TERB2: variants seen among roughly 807,000 people sequenced by gnomAD.
TERB2 encodes telomere repeats-binding bouquet formation protein 2.
A neutral mutation model predicts 29.8 loss-of-function variants in TERB2; 26 were observed. The observed-to-expected ratio is 0.87, with a 90% CI of 0.64 to 1.21. The LOEUF (loss-of-function observed/expected upper bound fraction) is 1.21. Among genes scored for constraint, TERB2 ranks in the 50% most tolerant of loss-of-function variants. The pLI is 0.00. For synonymous variants in TERB2, 80 were observed against 90.8 expected (o/e 0.88, Z 0.68); for missense variants, 240 against 268.6 (o/e 0.89, Z 0.74).
At chr15:44,978,268 A>C (rs192290129) in intron 6 of TERB2, among the ~76,000 whole-genome samples, 11 of 152,254 alleles carry the variant, frequency 7.2e-5, no homozygotes, top group African/African-American at 2.2e-4. Flanking sequence ...ACCTTTTAAT[A>C]TTTTAAAAGG....
chr15:44,970,761 C>G (rs1290853004), intron 5 of TERB2: 1 of 161,272 alleles, frequency 6.2e-6, no homozygotes, highest in African/African-American at 2.4e-5. Context: ...AGCTGAGTTT[C>G]CACCTCTGTC....
At chr15:44,963,802 T>C (rs1223802322) in intron 4 of TERB2, among the ~76,000 whole-genome samples, 1 of 144,512 alleles carries the variant, frequency 6.9e-6, no homozygotes, top group East Asian at 2.0e-4. Context: ...TATTATACTA[T>C]TCTTTTTTTT....
chr15:44,961,098 G>A (rs1373422465), intron 3 of TERB2, among the ~76,000 whole-genome samples: 3 of 149,764 alleles, frequency 2.0e-5, no homozygotes, highest in Non-Finnish European at 3.0e-5. Context: ...TACATCTAAT[G>A]TATATCTAAT....
chr15:44,965,150 A>G (rs1891863612), intron 4 of TERB2, among the ~76,000 whole-genome samples: 1 of 138,594 alleles, frequency 7.2e-6, no homozygotes, highest in Non-Finnish European at 1.6e-5. Flanking sequence ...GTGACAGAGC[A>G]AGACTCTGTC....
intron 5 of TERB2, among the ~76,000 whole-genome samples, chr15:44,966,877 C>G (rs1023339262): frequency 2.0e-5 from 3 of 152,142 alleles, no homozygotes; most frequent in Non-Finnish European, 2.9e-5. Flanking sequence ...AGCCGGATGA[C>G]TGCTTGAGCC....
rs770697777 is a variant in TERB2, at chr15:44,966,230, G to T, written c.421G>T (p.Glu141Ter). 3.9e-6 allele frequency: 6 copies of T among 1,556,054 alleles called. No homozygotes were observed. Among genetic ancestry groups the T allele is most frequent in the Non-Finnish European group, 5.2e-6 (6 of 1,155,560 alleles). The change falls in exon 5 of 7, where the codon GAA (glutamate) becomes TAA (stop). Residue 141 changes from glutamate (E) to a stop codon, truncating the protein, a stop_gained. Transcript: ENST00000340827. LOFTEE classifies it high-confidence loss of function. The part of the protein sequence containing the change: ...NSELATEHKK[E>*]LSKSPEKHFI... ...TGAACTAGCAACAGAGCACAAAAAA[G>T]AATTATCCAAAAGGTATTGAATTCA...
intron 4 of TERB2, among the ~76,000 whole-genome samples, chr15:44,964,226 T>C (rs1366970462): frequency 6.6e-6 from 1 of 152,224 alleles, no homozygotes; most frequent in Non-Finnish European, 1.5e-5. Context: ...AGCCATATCA[T>C]ATAGAAAACC....
chr15:44,975,538 A>G (rs930221476), intron 6 of TERB2, among the ~76,000 whole-genome samples: 1 of 152,190 alleles, frequency 6.6e-6, no homozygotes, highest in African/African-American at 2.4e-5. Context: ...CTTTAGTTAT[A>G]GAAAATACAA....
chr15:44,973,915 C>A lies in TERB2; in HGVS notation c.483C>A (p.Tyr161Ter), dbSNP rs765562252. 2.5e-6 allele frequency: 4 copies of A among 1,601,188 alleles called. No individual in the cohort carries two copies. Among genetic ancestry groups the A allele is most frequent in the Admixed American group, 1.7e-5 (1 of 59,124 alleles). ...IRTPVVEKQM[Y>*]FPLQNYPVNN... is the part of the protein sequence containing the mutation. ...CTCCAGTTGTAGAAAAGCAGATGTACTTCCCTCTACAGAATTACCCAGTTA... is the reference window on the plus strand; with the variant it reads ...CTCCAGTTGTAGAAAAGCAGATGTAATTCCCTCTACAGAATTACCCAGTTA... Residue 161 changes from tyrosine to a stop codon, truncating the protein, a stop_gained, in exon 6 of 7, where the codon TAC becomes TAA. Coordinates refer to ENST00000340827, the MANE Select transcript of TERB2 (RefSeq NM_152448.3). LOFTEE classifies it high-confidence loss of function.
intron 5 of TERB2, among the ~76,000 whole-genome samples, chr15:44,973,129 C>T (rs1891995548): frequency 6.6e-6 from 1 of 152,150 alleles, no homozygotes; most frequent in Non-Finnish European, 1.5e-5. Context: ...GATCCACCTG[C>T]CTCGGCCTCC....
At chr15:44,957,986 T>TCTCCAC (rs1453839700) in intron 2 of TERB2, among the ~76,000 whole-genome samples, 2 of 152,188 alleles carry the variant, frequency 1.3e-5, no homozygotes, top group African/African-American at 4.8e-5. Flanking sequence ...GATGTTGCTT[T>TCTCCAC]CTATATGTGA....
chr15:44,960,995 T>C (rs1339943557), intron 3 of TERB2, among the ~76,000 whole-genome samples: 2 of 151,182 alleles, frequency 1.3e-5, no homozygotes, highest in Non-Finnish European at 2.9e-5. Context: ...ACATCTAATA[T>C]ATATCTAATG....
chr15:44,977,131 C>A (rs1881142896), intron 6 of TERB2, among the ~76,000 whole-genome samples: 1 of 141,082 alleles, frequency 7.1e-6, no homozygotes, highest in East Asian at 2.3e-4. Flanking sequence ...GAAAAAAAAA[C>A]CCTAAAAACT....
chr15:44,976,427 T>C (rs558575024), intron 6 of TERB2, among the ~76,000 whole-genome samples: 2 of 152,234 alleles, frequency 1.3e-5, no homozygotes, highest in Admixed American at 6.5e-5. Flanking sequence ...CTTCACCAAA[T>C]GGGCCTCTCC....
chr15:44,977,540 CAT>C (rs1316395597), intron 6 of TERB2, among the ~76,000 whole-genome samples: 2 of 152,132 alleles, frequency 1.3e-5, no homozygotes, highest in East Asian at 3.8e-4. Context: ...ATTATGAACT[CAT>C]AGAGTATAGT....
chr15:44,971,417 C>G lies in TERB2; in HGVS notation c.435-2450C>G, dbSNP rs1016372751. On this transcript the variant is annotated intron_variant, in intron 5 of 6. Coordinates refer to ENST00000340827, the MANE Select transcript of TERB2 (RefSeq NM_152448.3). ...GATTCTAAGGATATTTTAATCGATT[C>G]TCTCTTGGCTCTTCAGGGTGCACAG... Among the ~76,000 whole-genome samples the G allele has an allele frequency of 3.3e-5, 5 of 152,276 alleles. No homozygotes were observed. The South Asian group carries it at 6.2e-4, about 19-fold the overall frequency.
At chr15:44,961,669 G>A in intron 4 of TERB2, 85 bp downstream of exon 4, 1 of 924,236 alleles carries the variant, frequency 1.1e-6, no homozygotes, top group Admixed American at 2.5e-5. Flanking sequence ...GTTTATTTGT[G>A]ACATGTTAGC....
In TERB2 at chr15:44,956,887, C is replaced by T. The variant is rs757236166; in HGVS notation, c.65-9C>T. The T allele has an allele frequency of 3.7e-6, 6 of 1,613,900 alleles. No individual in the cohort carries two copies. In the African/African-American group the frequency reaches 4.0e-5, roughly 11 times the overall value. Reference sequence around the variant, plus strand: ...TTGATAGGTTCACCCTGTGCTCTTACCTCCACAGTGGCTGAAGGGGGAACG... The same window carrying T: ...TTGATAGGTTCACCCTGTGCTCTTATCTCCACAGTGGCTGAAGGGGGAACG... On this transcript the variant is annotated splice_polypyrimidine_tract_variant and intron_variant, in intron 1 of 6. Coordinates refer to ENST00000340827, the MANE Select transcript of TERB2 (RefSeq NM_152448.3).
At chr15:44,963,245 TTAAC>T (rs1189850890) in intron 4 of TERB2, among the ~76,000 whole-genome samples, 2 of 152,208 alleles carry the variant, frequency 1.3e-5, no homozygotes, top group Non-Finnish European at 2.9e-5. Context: ...CAGGCACCAT[TTAAC>T]TAACTTAGCA....
Sources: allele counts gnomAD v4.1 joint callset (sites outside exome capture counted in the v4.1 genomes callset), GRCh38; gene constraint gnomAD v4.1.1; transcripts MANE v1.5; gene names NCBI Gene and HGNC (gene_info 2026-07-23, HGNC 2026-07-21).